The following FADS1 variants were observed in gnomAD, a reference collection of about 807,000 sequenced individuals.
FADS1 encodes fatty acid desaturase 1.
In FADS1, 17 loss-of-function variants were observed where a neutral mutation model predicts 61.6. The observed-to-expected ratio is 0.28, with a 90% CI of 0.19 to 0.41. FADS1 has a LOEUF of 0.41. Among genes scored for constraint, FADS1 ranks in the 10% least tolerant of loss-of-function variants. The pLI is 1.00. For missense variants in FADS1, 387 were observed against 650.9 expected, an observed-to-expected ratio of 0.59 and a Z score of 4.41; for synonymous variants, 238 against 258.7, an observed-to-expected ratio of 0.92 and a Z score of 0.77.
chr11:61,811,747 T>G, intron 3 of FADS1: 1 of 322,302 alleles, frequency 3.1e-6, no homozygotes, highest in Non-Finnish European at 6.3e-6. Flanking sequence ...CCACCACCAC[T>G]CCCAGCTAAC....
intron 5 of FADS1, among the ~76,000 whole-genome samples, chr11:61,808,719 A>C (rs910214309): frequency 1.3e-5 from 2 of 152,198 alleles, no homozygotes; most frequent in African/African-American, 4.8e-5. Context: ...TTTTTTCCTC[A>C]GTTAATGTTG....
rs2066844119 is a variant in FADS1, at chr11:61,800,101, A to C, written c.*2310T>G. ...TAAACAGGCTGGTGACACCACACCC[A>C]AAAGGTGGCAAAGAATAGGAATAGG... On this transcript the variant is annotated 3_prime_UTR_variant, in exon 12 of 12. Coordinates refer to ENST00000350997, the MANE Select transcript of FADS1 (RefSeq NM_013402.7). 1 of 152,802 alleles carries C rather than the reference A, an allele frequency of 6.5e-6. No individual in the cohort carries two copies. Among genetic ancestry groups the C allele is most frequent in the Non-Finnish European group, 1.5e-5 (1 of 68,050 alleles). The allele number at this position is 152,802 out of a possible 1,614,324, so 9.5% of individuals were successfully genotyped here.
intron 2 of FADS1, 86 bp downstream of exon 2, chr11:61,813,157 T>C: frequency 2.4e-6 from 2 of 833,442 alleles, no homozygotes; most frequent in Non-Finnish European, 4.2e-6. Flanking sequence ...TTACTATGAC[T>C]GTGATCCCAT....
Position 61,802,900 on chromosome 11 carries a change from T to C in FADS1, c.1355A>G (p.Asn452Ser). Residue 452 changes from asparagine (N) to serine (S), a missense_variant, in exon 11 of 12, where the codon AAT becomes AGT. This residue lies in a region of FADS1 where 257 missense variants were observed against 533.3 expected (regional missense o/e 0.48). Coordinates refer to ENST00000350997, the MANE Select transcript of FADS1 (RefSeq NM_013402.7). The surrounding 1 kb of genome is among the most constrained non-coding windows in gnomAD (Gnocchi z 4.2). ...HHLFPTMPRHNYHKVAPLVQS... is the reference protein window; with the variant it reads ...HHLFPTMPRHSYHKVAPLVQS... ...CACCAGGGGAGCCACTTTGTGGTAA[T>C]TGTGTCGAGGCATCGTGGGAAAAAG... 4 of 1,614,060 alleles carry C rather than the reference T, an allele frequency of 2.5e-6. No homozygotes were observed. The highest frequency in any genetic ancestry group is 1.1e-5 in the South Asian group (1 of 91,082).
intron 2 of FADS1, 32 bp downstream of exon 2, chr11:61,813,211 A>G: frequency 7.7e-7 from 1 of 1,301,668 alleles, no homozygotes; most frequent in Admixed American, 1.7e-5. Context: ...TCAACAACCA[A>G]TAGTTGCGAC....
intron 3 of FADS1, 46 bp downstream of exon 3, chr11:61,812,425 G>C: frequency 6.3e-7 from 1 of 1,583,558 alleles, no homozygotes; most frequent in African/African-American, 1.3e-5. Context: ...GCTTTCCCCA[G>C]GGATGCTGAG....
rs751724731 is a variant in FADS1 at position 61,816,292 on chromosome 11, G to A, written c.375+263C>T. On this transcript the variant is annotated intron_variant, in intron 1 of 11. Transcript: ENST00000350997. This position sits in a 1 kb window ranked among gnomAD's most constrained non-coding sequence, Gnocchi z 7.0. ...GCTCGGGGCTGCAGATGGAATGCAC[G>A]GCAGGGAGGCGGGACCCTTTGTTTG... is the stretch of plus-strand genomic sequence containing the variant. The A allele has an allele frequency of 7.3e-5, 116 of 1,598,194 alleles. No homozygotes were observed. Among genetic ancestry groups the A allele is most frequent in the Non-Finnish European group, 9.3e-5 (110 of 1,179,788 alleles).
At position 61,816,618 on chromosome 11, in the gene FADS1, C is replaced by T; in HGVS notation, c.312G>A (p.Glu104=). Residue 104 remains glutamate, a synonymous_variant, in exon 1 of 12, where the codon GAG becomes GAA. Coordinates refer to ENST00000350997, the MANE Select transcript of FADS1 (RefSeq NM_013402.7). The surrounding 1 kb of genome is among the most constrained non-coding windows in gnomAD (Gnocchi z 7.0). ...AGCCCCCTGGATGCCGGCGGGTGAA[C>T]TCGCTGATGTTGTACACCTTACGGT... ...VIDRKVYNIS[E]FTRRHPGGSR... is the part of the protein sequence containing the mutation. 2 of 1,602,782 alleles carry T rather than the reference C, an allele frequency of 1.2e-6. No individual in the cohort carries two copies. The highest frequency in any genetic ancestry group is 1.7e-6 in the Non-Finnish European group (2 of 1,175,488).
In FADS1 at chr11:61,804,000, G is replaced by A; in HGVS notation, c.1054-233C>T. 3.5e-6 allele frequency: 2 copies of A among 570,498 alleles called. No homozygotes were observed. The highest frequency in any genetic ancestry group is 2.1e-5 in the South Asian group (1 of 47,570). The allele number at this position is 570,498 out of a possible 1,614,324, so 35.3% of individuals were successfully genotyped here. Reference sequence around the variant, plus strand: ...CCTTCAAAAGTACCAAGGCCTACAAGGTCTCTTTGCCTCTAGCTCTTCCTA... The same window carrying A: ...CCTTCAAAAGTACCAAGGCCTACAAAGTCTCTTTGCCTCTAGCTCTTCCTA... On this transcript the variant is annotated intron_variant, in intron 7 of 11. Transcript: ENST00000350997. The surrounding 1 kb of genome is among the most constrained non-coding windows in gnomAD (Gnocchi z 4.3).
At position 61,802,753 on chromosome 11, in the gene FADS1, T is replaced by C; in HGVS notation, c.1454+48A>G. 1 of 1,612,538 alleles carries C rather than the reference T, an allele frequency of 6.2e-7. No individual in the cohort carries two copies. Among genetic ancestry groups the C allele is most frequent in the African/African-American group, 1.3e-5 (1 of 75,046 alleles). ...CTACATGTCATCATTTCCATTGCCC[T>C]GCCCTCTTCCCTCCCTACTAGCCAT... On this transcript the variant is annotated intron_variant, in intron 11 of 11. Coordinates refer to ENST00000350997, the MANE Select transcript of FADS1 (RefSeq NM_013402.7). The surrounding 1 kb of genome is among the most constrained non-coding windows in gnomAD (Gnocchi z 4.2).
At chr11:61,806,999 C>G (rs2066899311) in intron 5 of FADS1, among the ~76,000 whole-genome samples, 1 of 152,236 alleles carries the variant, frequency 6.6e-6, no homozygotes, top group Admixed American at 6.5e-5. Flanking sequence ...ACCACAGGCC[C>G]TCTTGTGTTC....
In FADS1 at chr11:61,816,902, C is replaced by A. The variant is rs1044912550; in HGVS notation, c.28G>T (p.Gly10Cys). 2 of 1,415,816 alleles carry A rather than the reference C, an allele frequency of 1.4e-6. No homozygotes were observed. The highest frequency in any genetic ancestry group is 1.8e-6 in the Non-Finnish European group (2 of 1,097,176). 87.7% of individuals were successfully genotyped at this position (1,415,816 alleles called of 1,614,324 possible). MGTRAARPAGLPCGAENPAR... is the reference protein window; with the variant it reads MGTRAARPACLPCGAENPAR... ...GGGTTTTCAGCACCGCAGGGCAGAC[C>A]GGCGGGCCTCGCAGCGCGCGTTCCC... Residue 10 changes from glycine to cysteine, a missense_variant, in exon 1 of 12, where the codon GGT (glycine) becomes TGT (cysteine). Around this residue, in one of 2 missense-constraint regions of FADS1, gnomAD observed 130 missense variants for 117.7 expected, o/e 1.10. Transcript: ENST00000350997. The surrounding 1 kb of genome is among the most constrained non-coding windows in gnomAD (Gnocchi z 7.0).
rs174545 is a variant in FADS1 at position 61,801,834 on chromosome 11, C to G, written c.*577G>C. The stretch of plus-strand genomic sequence containing the variant: ...AGGTTTGCAAATGAGGATGGAGAAG[C>G]CACTGAGAAATGGACCAGTGAGCTG... On this transcript the variant is annotated 3_prime_UTR_variant, in exon 12 of 12. Transcript: ENST00000350997. 43,910 of 152,780 alleles carry G rather than the reference C, an allele frequency of 0.29. 8,191 individuals are homozygous for G. Among genetic ancestry groups the G allele is most frequent in the East Asian group, 0.55 (2,901 of 5,288 alleles). 9.5% of individuals were successfully genotyped at this position (152,780 alleles called of 1,614,324 possible). A position where few individuals can be genotyped will look rare whatever the true frequency, so the allele number is the denominator to read the frequency against.
chr11:61,809,312 T>C (rs1411226629), intron 5 of FADS1, among the ~76,000 whole-genome samples: 1 of 152,208 alleles, frequency 6.6e-6, no homozygotes, highest in Admixed American at 6.5e-5. Flanking sequence ...CGTTGAACTC[T>C]GTTTACAATT....
At chr11:61,810,547 C>T (rs537912773) in intron 5 of FADS1, among the ~76,000 whole-genome samples, 113 of 152,178 alleles carry the variant, frequency 7.4e-4, no homozygotes, top group Non-Finnish European at 1.3e-3. Context: ...GCTGACTGAA[C>T]TCTCTAGGGA....
intron 2 of FADS1, 93 bp from the exon 3 acceptor site, chr11:61,812,761 G>A: frequency 8.6e-7 from 1 of 1,160,824 alleles, no homozygotes; most frequent in South Asian, 1.4e-5. Flanking sequence ...ACCTCCCACT[G>A]AGGTAGCTGT....
At chr11:61,810,237 G>A (rs1348867153) in intron 5 of FADS1, among the ~76,000 whole-genome samples, 1 of 152,194 alleles carries the variant, frequency 6.6e-6, no homozygotes, top group Admixed American at 6.5e-5. Context: ...AGGAAATCAG[G>A]CTGGGGATCA....
chr11:61,803,874 C>G lies in FADS1; in HGVS notation c.1054-107G>C. The G allele has an allele frequency of 1.2e-6, 1 of 824,852 alleles. No homozygotes were observed. Among genetic ancestry groups the G allele is most frequent in the Non-Finnish European group, 2.0e-6 (1 of 493,634 alleles). The allele number at this position is 824,852 out of a possible 1,614,324, so 51.1% of individuals were successfully genotyped here. On this transcript the variant is annotated intron_variant, in intron 7 of 11. Transcript: ENST00000350997. This position sits in a 1 kb window ranked among gnomAD's most constrained non-coding sequence, Gnocchi z 4.3. ...AGCCATTCTCCTGGTTATCCAGACT[C>G]ACTCATCTTCAGCTTCTCAGGGGTC...
Position 61,816,143 on chromosome 11 carries a change from C to T in FADS1, c.375+412G>A. 2.2e-6 allele frequency: 2 copies of T among 926,984 alleles called. No individual in the cohort carries two copies. The highest frequency in any genetic ancestry group is 2.8e-5 in the Admixed American group (1 of 36,056). 57.4% of individuals were successfully genotyped at this position (926,984 alleles called of 1,614,324 possible). The stretch of plus-strand genomic sequence containing the variant: ...CGGCTGCGCTGCCTCTCCTAGCCAT[C>T]GAGACAGGATGTGACTCCCTCCCCT... On this transcript the variant is annotated intron_variant, in intron 1 of 11. Transcript: ENST00000350997. This position sits in a 1 kb window ranked among gnomAD's most constrained non-coding sequence, Gnocchi z 7.0.
Sources: gnomAD v4.1 joint callset for allele counts (sites outside exome capture counted in the v4.1 genomes callset) on GRCh38, gnomAD v4.1.1 for gene constraint, gnomAD v4.1.1 regional missense constraint, Gnocchi (gnomAD v3.1) non-coding constraint, MANE v1.5 for transcripts, NCBI Gene and HGNC (gene_info 2026-07-23, HGNC 2026-07-21) for gene names.